Variants in SH3BP2 observed in about 807,000 individuals in gnomAD.
SH3BP2 encodes the protein SH3 domain binding protein 2, also known as SH3 domain-binding protein 2.
Under a neutral mutation model 56.2 loss-of-function variants are expected in SH3BP2, and 38 were observed. The observed-to-expected ratio is 0.68, with a 90% CI of 0.52 to 0.89. The LOEUF (loss-of-function observed/expected upper bound fraction) is 0.89. SH3BP2 is among the 40% of genes least tolerant of loss of function. The probability of loss-of-function intolerance (pLI) is 0.00; values close to 1 mark genes in which losing one functional copy is unlikely to be tolerated. For synonymous variants in SH3BP2, 346 were observed against 316.7 expected (o/e 1.09, Z -0.98); for missense variants, 748 against 762.6 (o/e 0.98, Z 0.23).
At chr4:2,800,556 C>CG (rs894905870) in intron 1 of SH3BP2, among the ~76,000 whole-genome samples, 12 of 151,670 alleles carry the variant, frequency 7.9e-5, no homozygotes, top group Admixed American at 4.6e-4. Context: ...ACCGCCCCCC[C>CG]CCCGGGCTGA....
At chr4:2,823,231 C>T (rs968344264) in intron 3 of SH3BP2, among the ~76,000 whole-genome samples, 194 bp downstream of exon 3, 2 of 152,224 alleles carry the variant, frequency 1.3e-5, no homozygotes, top group East Asian at 3.9e-4. Context: ...TGCCCTCAGG[C>T]GCAGGACCTT....
intron 2 of SH3BP2, 30 bp from the exon 3 acceptor site, chr4:2,822,905 T>A: frequency 6.3e-7 from 1 of 1,583,330 alleles, no homozygotes; most frequent in Non-Finnish European, 8.7e-7. Context: ...CCCTCCAGGC[T>A]CACCTTCCTG....
chr4:2,830,217 C>G, intron 8 of SH3BP2, 70 bp downstream of exon 8: 3 of 1,391,778 alleles, frequency 2.2e-6, no homozygotes, highest in Non-Finnish European at 2.9e-6. Flanking sequence ...CTGACGGGCA[C>G]TCTGCCCACC....
intron 7 of SH3BP2, among the ~76,000 whole-genome samples, chr4:2,828,730 C>G (rs1235208246): frequency 6.6e-6 from 1 of 152,224 alleles, no homozygotes; most frequent in South Asian, 2.1e-4. Context: ...CCCTCTGTAC[C>G]CCCTTCATCC....
At chr4:2,825,810 G>A (rs1002871131) in intron 5 of SH3BP2, among the ~76,000 whole-genome samples, 5 of 152,246 alleles carry the variant, frequency 3.3e-5, no homozygotes, top group Non-Finnish European at 5.9e-5. Flanking sequence ...CTCACTCAGA[G>A]TGAGACCAGA....
intron 7 of SH3BP2, 120 bp downstream of exon 7, chr4:2,827,794 G>A (rs1024057776): frequency 1.1e-5 from 9 of 795,224 alleles, no homozygotes; most frequent in African/African-American, 1.0e-4. Context: ...GGTGGCTTCC[G>A]CTTCCCTGCT....
chr4:2,805,876 C>CA (rs1344324648), intron 1 of SH3BP2, among the ~76,000 whole-genome samples: 2 of 152,094 alleles, frequency 1.3e-5, no homozygotes, highest in East Asian at 1.9e-4. Context: ...TGCCAAGGTG[C>CA]AGAGAGGGAA....
intron 1 of SH3BP2, chr4:2,818,402 G>T: frequency 8.5e-7 from 1 of 1,170,496 alleles, no homozygotes. Context: ...TGAGTACCGA[G>T]CCCCGGCCCC....
At chr4:2,801,766 G>A (rs1022007696) in intron 1 of SH3BP2, among the ~76,000 whole-genome samples, 1 of 152,226 alleles carries the variant, frequency 6.6e-6, no homozygotes, top group Non-Finnish European at 1.5e-5. Flanking sequence ...TAAACCCAGA[G>A]AGTAAAAACG....
rs1346623831 is a variant in SH3BP2, at chr4:2,838,842, T to A, written c.*5008T>A. On this transcript the variant is annotated 3_prime_UTR_variant, in exon 13 of 13. Coordinates refer to ENST00000503393, the MANE Select transcript of SH3BP2 (RefSeq NM_001122681.2). ...TGTCCATGTCTCTGATGCACGTGTG[T>A]TTTTTGCAAATGGTGCACAAATTTT... 2.0e-5 allele frequency: 3 copies of A among 152,178 alleles called. No homozygotes were observed. Among genetic ancestry groups the A allele is most frequent in the Non-Finnish European group, 4.4e-5 (3 of 68,018 alleles). 9.4% of individuals were successfully genotyped at this position (152,178 alleles called of 1,614,324 possible).
chr4:2,805,109 C>T (rs959335084), intron 1 of SH3BP2, among the ~76,000 whole-genome samples: 8 of 152,226 alleles, frequency 5.3e-5, no homozygotes, highest in African/African-American at 1.7e-4. Flanking sequence ...AGGCGTCCCA[C>T]GCATCCCAGG....
In SH3BP2 at chr4:2,831,840, G is replaced by T; in HGVS notation, c.1351-83G>T. 1.3e-6 allele frequency: 2 copies of T among 1,506,094 alleles called. No homozygotes were observed. The highest frequency in any genetic ancestry group is 2.3e-5 in the South Asian group (2 of 87,128). The allele number at this position is 1,506,094 out of a possible 1,614,324, so 93.3% of individuals were successfully genotyped here. ...AGCACCATGTAAAGCCCCGGATCCC[G>T]GCACCGGGTGGCCACCGTCCGGGGA... is the stretch of plus-strand genomic sequence containing the variant. On this transcript the variant is annotated intron_variant, in intron 9 of 12. Coordinates refer to ENST00000503393, the MANE Select transcript of SH3BP2 (RefSeq NM_001122681.2). The surrounding 1 kb of genome is among the most constrained non-coding windows in gnomAD (Gnocchi z 4.1).
intron 2 of SH3BP2, among the ~76,000 whole-genome samples, chr4:2,822,218 C>T (rs935352269): frequency 1.3e-5 from 2 of 151,650 alleles, no homozygotes; most frequent in Non-Finnish European, 2.9e-5. Context: ...GCAGTGGGTG[C>T]GAACACAGCT....
At chr4:2,833,169 G>A (rs1001443388) in intron 12 of SH3BP2, 120 bp downstream of exon 12, 62 of 868,240 alleles carry the variant, frequency 7.1e-5, no homozygotes, top group East Asian at 1.5e-4. Flanking sequence ...CCAGGATACC[G>A]CCCTCCCCTT....
intron 1 of SH3BP2, chr4:2,817,854 T>G (rs1386286894): frequency 5.3e-5 from 8 of 152,204 alleles, no homozygotes; most frequent in African/African-American, 1.9e-4. Context: ...CCGAGGGAGC[T>G]GGTTGCAAGG....
intron 1 of SH3BP2, among the ~76,000 whole-genome samples, chr4:2,801,353 C>T (rs548566966): frequency 9.2e-5 from 14 of 152,334 alleles, no homozygotes; most frequent in Admixed American, 2.0e-4. Context: ...GCCCGGGCCC[C>T]GAGGCTCTGG....
intron 1 of SH3BP2, chr4:2,811,681 G>T (rs769940489): frequency 1.3e-5 from 2 of 155,584 alleles, no homozygotes; most frequent in Non-Finnish European, 2.9e-5. Flanking sequence ...GATGTTAGCA[G>T]AGCTGGTGTG....
At position 2,809,392 on chromosome 4, in the gene SH3BP2, C is replaced by G. The variant is rs541053803; in HGVS notation, c.-4-11222C>G. On this transcript the variant is annotated intron_variant, in intron 1 of 12. Coordinates refer to ENST00000503393, the MANE Select transcript of SH3BP2 (RefSeq NM_001122681.2). Reference sequence around the variant, plus strand: ...CTCCTCTGGGCTCAGTGTCCACCTTCCCACAGGCTCAATGCCCTCCCTCTC... The same window carrying G: ...CTCCTCTGGGCTCAGTGTCCACCTTGCCACAGGCTCAATGCCCTCCCTCTC... Among the ~76,000 whole-genome samples the G allele has an allele frequency of 2.0e-5, 3 of 150,180 alleles. 1 individual carries two copies. The South Asian group carries it at 6.4e-4, about 32-fold the overall frequency.
chr4:2,796,211 G>A (rs1275703604), intron 1 of SH3BP2, among the ~76,000 whole-genome samples: 1 of 152,190 alleles, frequency 6.6e-6, no homozygotes, highest in Non-Finnish European at 1.5e-5. Context: ...TTTGGGTTCC[G>A]TGCCGGGCCC....
Sources: gnomAD v4.1 joint callset for allele counts (sites outside exome capture counted in the v4.1 genomes callset) on GRCh38, gnomAD v4.1.1 for gene constraint, Gnocchi (gnomAD v3.1) non-coding constraint, MANE v1.5 for transcripts, NCBI Gene and HGNC (gene_info 2026-07-23, HGNC 2026-07-21) for gene names.